Variants in ARHGEF28 observed in about 807,000 individuals in gnomAD.
The protein encoded by ARHGEF28 is Rho guanine nucleotide exchange factor 28.
Under a neutral mutation model 206.6 loss-of-function variants are expected in ARHGEF28, and 152 were observed. The ratio of observed to expected loss-of-function variants is 0.74; its 90% confidence interval spans 0.64 to 0.84. The LOEUF is 0.84. Ranked by LOEUF, ARHGEF28 falls within the 40% of genes least tolerant of loss-of-function variation. ARHGEF28 has a pLI of 0.00. For missense variants in ARHGEF28, 2,028 were observed against 2,073.2 expected, an observed-to-expected ratio of 0.98 and a Z score of 0.42; for synonymous variants, 763 against 776.4, an observed-to-expected ratio of 0.98 and a Z score of 0.29.
At chr5:73,656,441 CTT>C (rs1457287059) in intron 1 of ARHGEF28, among the ~76,000 whole-genome samples, 6 of 152,196 alleles carry the variant, frequency 3.9e-5, no homozygotes, top group African/African-American at 1.4e-4. Flanking sequence ...AGACGTCAAA[CTT>C]GGGAGATTTT....
chr5:73,791,702 G>C (rs1315266131), intron 7 of ARHGEF28, among the ~76,000 whole-genome samples: 1 of 152,136 alleles, frequency 6.6e-6, no homozygotes, highest in East Asian at 1.9e-4. Context: ...ATCTTACAGC[G>C]ACTTAACCCT....
chr5:73,730,534 A>ATTTTTTT (rs968990208), intron 2 of ARHGEF28, among the ~76,000 whole-genome samples: 1 of 117,418 alleles, frequency 8.5e-6, no homozygotes, highest in African/African-American at 3.5e-5. Flanking sequence ...CATAAGGAGG[A>ATTTTTTT]TTTTTTTTTT....
intron 1 of ARHGEF28, among the ~76,000 whole-genome samples, chr5:73,663,754 G>C (rs1745769698): frequency 6.6e-6 from 1 of 152,172 alleles, no homozygotes; most frequent in Non-Finnish European, 1.5e-5. Context: ...GTTAGTTGAA[G>C]ATTTCTTTGT....
intron 35 of ARHGEF28, among the ~76,000 whole-genome samples, chr5:73,916,910 A>G (rs1763243852): frequency 6.6e-6 from 1 of 152,220 alleles, no homozygotes; most frequent in South Asian, 2.1e-4. Flanking sequence ...TAATAATTAC[A>G]TAATAATAAA....
chr5:73,856,125 G>A (rs994633498), intron 14 of ARHGEF28, among the ~76,000 whole-genome samples: 2 of 152,124 alleles, frequency 1.3e-5, no homozygotes, highest in African/African-American at 2.4e-5. Flanking sequence ...TTGAAAGTGA[G>A]CCTTTTGAAT....
intron 2 of ARHGEF28, among the ~76,000 whole-genome samples, chr5:73,733,268 G>A (rs1469002032): frequency 6.6e-6 from 1 of 152,106 alleles, no homozygotes; most frequent in Non-Finnish European, 1.5e-5. Flanking sequence ...CACATAATAG[G>A]GTCTTACTCC....
chr5:73,911,360 C>T lies in ARHGEF28; in HGVS notation c.4733C>T (p.Thr1578Ile). The T allele has an allele frequency of 6.2e-7, 1 of 1,613,658 alleles. No individual in the cohort carries two copies. Among genetic ancestry groups the T allele is most frequent in the South Asian group, 1.1e-5 (1 of 90,980 alleles). Residue 1578 changes from threonine to isoleucine, a missense_variant, in exon 35 of 36, where the codon ACT becomes ATT. Thr to Ile is a moderately conservative substitution (Grantham distance 89). This residue lies in a region of ARHGEF28 where 803 missense variants were observed against 768.0 expected (regional missense o/e 1.05). Coordinates refer to ENST00000513042, the MANE Select transcript of ARHGEF28 (RefSeq NM_001177693.2). ...NEALVQMSFN[T>I]FNKLNPSVIH... ...GCTTTAGTACAAATGTCATTTAACA[C>T]TTTCAACAAACTGAATCCATCAGTT... is the stretch of plus-strand genomic sequence containing the variant.
chr5:73,789,760 C>T (rs1378931819), intron 7 of ARHGEF28, among the ~76,000 whole-genome samples: 1 of 151,936 alleles, frequency 6.6e-6, no homozygotes, highest in Admixed American at 6.6e-5. Context: ...CCCAGCAAGT[C>T]CCCCAGGAGC....
chr5:73,747,928 G>A lies in ARHGEF28; in HGVS notation c.34-1909G>A, dbSNP rs576651580. Among the ~76,000 whole-genome samples, 298 of 152,264 alleles carry A rather than the reference G, an allele frequency of 2.0e-3. 2 individuals are homozygous for A. The highest frequency in any genetic ancestry group is 6.5e-3 in the African/African-American group (271 of 41,546). On this transcript the variant is annotated intron_variant, in intron 2 of 35. Coordinates refer to ENST00000513042, the MANE Select transcript of ARHGEF28 (RefSeq NM_001177693.2). ...AGCTGTAGTCCTTGTCCACCCAACC[G>A]AATAAAATAGTAATATGATCGTTGT...
chr5:73,686,499 T>C (rs1747479164), intron 2 of ARHGEF28, among the ~76,000 whole-genome samples: 1 of 151,978 alleles, frequency 6.6e-6, no homozygotes, highest in Non-Finnish European at 1.5e-5. Flanking sequence ...AAAACAAGTT[T>C]TTCTTTTTTC....
At position 73,688,871 on chromosome 5, in the gene ARHGEF28, G is replaced by A. The variant is rs180992577; in HGVS notation, c.33+3987G>A. Among the ~76,000 whole-genome samples the A allele has an allele frequency of 3.8e-3, 574 of 152,262 alleles. 3 individuals carry two copies. Among genetic ancestry groups the A allele is most frequent in the Middle Eastern group, 0.034 (10 of 294 alleles). On this transcript the variant is annotated intron_variant, in intron 2 of 35. Coordinates refer to ENST00000513042, the MANE Select transcript of ARHGEF28 (RefSeq NM_001177693.2). ...GCATTTCACCATGTTGGCCAGGATG[G>A]CCTCGATATCTTGACCTTGTGATCC... is the stretch of plus-strand genomic sequence containing the variant.
chr5:73,666,451 T>C (rs923998623), intron 1 of ARHGEF28, among the ~76,000 whole-genome samples: 3 of 152,138 alleles, frequency 2.0e-5, no homozygotes, highest in Non-Finnish European at 2.9e-5. Context: ...TAGTGGAGGC[T>C]CTCTTTGGTG....
intron 2 of ARHGEF28, among the ~76,000 whole-genome samples, chr5:73,688,149 G>A (rs1747587288): frequency 6.6e-6 from 1 of 152,112 alleles, no homozygotes. Context: ...GTATGTTAAT[G>A]CACTAGAAAA....
chr5:73,916,174 T>G (rs751218498), intron 35 of ARHGEF28, among the ~76,000 whole-genome samples: 2 of 152,048 alleles, frequency 1.3e-5, no homozygotes, highest in East Asian at 3.9e-4. Flanking sequence ...TTTAAATAAG[T>G]CTTAAGAAGT....
Position 73,796,336 on chromosome 5 carries a change from T to A in ARHGEF28, c.1024+945T>A, listed in dbSNP as rs188987620. 2.4e-4 allele frequency among the ~76,000 whole-genome samples: 36 copies of A among 152,282 alleles called. No homozygotes were observed. In the East Asian group the frequency reaches 6.4e-3, roughly 27 times the overall value. ...CACATGGGCAGGACAGTCTTAGAAG[T>A]TGCAAGGGGTGAGGTGTTGCTGATG... is the stretch of plus-strand genomic sequence containing the variant. On this transcript the variant is annotated intron_variant, in intron 9 of 35. Transcript: ENST00000513042.
At chr5:73,675,471 G>T (rs893583223) in intron 1 of ARHGEF28, among the ~76,000 whole-genome samples, 3 of 152,018 alleles carry the variant, frequency 2.0e-5, no homozygotes, top group Non-Finnish European at 4.4e-5. Flanking sequence ...GGTGGCTCAC[G>T]CCTGTAATCC....
At chr5:73,721,758 T>A (rs1030948503) in intron 2 of ARHGEF28, among the ~76,000 whole-genome samples, 2 of 152,174 alleles carry the variant, frequency 1.3e-5, no homozygotes, top group Non-Finnish European at 2.9e-5. Context: ...TGTTTTTGAT[T>A]GAGAATTGCC....
At chr5:73,723,913 T>C (rs1750121538) in intron 2 of ARHGEF28, among the ~76,000 whole-genome samples, 1 of 152,164 alleles carries the variant, frequency 6.6e-6, no homozygotes. Flanking sequence ...TGGAGTAGAT[T>C]CTGGGGTTTG....
At chr5:73,725,982 T>G (rs1442749650) in intron 2 of ARHGEF28, among the ~76,000 whole-genome samples, 2 of 152,240 alleles carry the variant, frequency 1.3e-5, no homozygotes, top group East Asian at 3.8e-4. Context: ...ATAAAATTCC[T>G]GTCAGGGTCA....
Sources: gnomAD v4.1 joint callset for allele counts (sites outside exome capture counted in the v4.1 genomes callset) on GRCh38, gnomAD v4.1.1 for gene constraint, gnomAD v4.1.1 regional missense constraint, MANE v1.5 for transcripts, NCBI Gene and HGNC (gene_info 2026-07-23, HGNC 2026-07-21) for gene names.